Variants in SLC7A5 observed in about 807,000 individuals in gnomAD.
The protein encoded by SLC7A5 is solute carrier family 7 member 5, also known as large neutral amino acids transporter small subunit 1.
In SLC7A5, 23 loss-of-function variants were observed where a neutral mutation model predicts 50.2. The observed-to-expected ratio is 0.46, with a 90% CI of 0.33 to 0.65. The LOEUF is 0.65. SLC7A5 is among the 30% of genes least tolerant of loss of function. The probability of loss-of-function intolerance (pLI) is 0.02; values close to 1 mark genes in which losing one functional copy is unlikely to be tolerated. For synonymous variants in SLC7A5, 393 were observed against 330.6 expected (o/e 1.19, Z -2.05); for missense variants, 578 against 684.4 (o/e 0.84, Z 1.73).
At chr16:87,856,254 T>C (rs9923936) in intron 1 of SLC7A5, among the ~76,000 whole-genome samples, 62,971 of 152,136 alleles carry the variant, frequency 0.41, 13,927 homozygotes, top group East Asian at 0.79. Flanking sequence ...TCAGAGTCTG[T>C]CCAGAGGGCC....
intron 2 of SLC7A5, among the ~76,000 whole-genome samples, chr16:87,845,191 C>G (rs888863503): frequency 7.8e-6 from 1 of 127,642 alleles, no homozygotes; most frequent in Admixed American, 7.3e-5. Context: ...GGGGAGACCT[C>G]CCGGCTTCTC....
rs1386937835 is a variant in SLC7A5, at chr16:87,837,931, CGAA to C, written c.1051_1053del (p.Phe351del). 2.5e-6 allele frequency: 4 copies of C among 1,603,904 alleles called. No homozygotes were observed. Among genetic ancestry groups the C allele is most frequent in the Non-Finnish European group, 2.5e-6 (3 of 1,176,592 alleles). The stretch of plus-strand genomic sequence containing the variant: ...GGCAGGTGGCCTTCCCGGGACCCCA[CGAA>C]GAAGAGCCTGTGGACAGACAAGAGT... On this transcript the variant is annotated inframe_deletion, in exon 7 of 10. Coordinates refer to ENST00000261622, the MANE Select transcript of SLC7A5 (RefSeq NM_003486.7).
intron 8 of SLC7A5, 101 bp downstream of exon 8, chr16:87,836,397 G>C (rs923278046): frequency 1.4e-6 from 2 of 1,389,294 alleles, no homozygotes; most frequent in Non-Finnish European, 1.0e-6. Flanking sequence ...GGCAGGTCCA[G>C]AGGCTGAGCT....
chr16:87,859,343 CAT>C (rs1389291695), intron 1 of SLC7A5, among the ~76,000 whole-genome samples: 2 of 152,232 alleles, frequency 1.3e-5, no homozygotes, highest in African/African-American at 4.8e-5. Flanking sequence ...TGAAGCCACA[CAT>C]GAGAGCCGTG....
At chr16:87,848,277 G>A (rs764644384) in intron 2 of SLC7A5, among the ~76,000 whole-genome samples, 3 of 152,220 alleles carry the variant, frequency 2.0e-5, no homozygotes, top group African/African-American at 4.8e-5. Context: ...TTGTTCTGCC[G>A]CTGACGGCTG....
Position 87,847,214 on chromosome 16 carries a change from C to T in SLC7A5, c.664+4510G>A, listed in dbSNP as rs553839804. ...CTCAGTCCACGAGGCGACCCCTCCA[C>T]ACCCCAGAGCCACAGACAGCCAAGG... On this transcript the variant is annotated intron_variant, in intron 2 of 9. Coordinates refer to ENST00000261622, the MANE Select transcript of SLC7A5 (RefSeq NM_003486.7). 5.3e-5 allele frequency among the ~76,000 whole-genome samples: 8 copies of T among 152,366 alleles called. 1 individual carries two copies. In the South Asian group the frequency reaches 1.7e-3, roughly 32 times the overall value.
chr16:87,850,875 T>C (rs1452984564), intron 2 of SLC7A5, among the ~76,000 whole-genome samples: 1 of 152,002 alleles, frequency 6.6e-6, no homozygotes, highest in Admixed American at 6.5e-5. Flanking sequence ...AGAACACAGA[T>C]CTATGGAGTG....
At position 87,862,732 on chromosome 16, in the gene SLC7A5, G is replaced by A. The variant is rs561640459; in HGVS notation, c.538+6153C>T. On this transcript the variant is annotated intron_variant, in intron 1 of 9. Transcript: ENST00000261622. The surrounding 1 kb of genome is among the most constrained non-coding windows in gnomAD (Gnocchi z 5.3). ...GGCCTGGGATTCCCAGACACCTGGC[G>A]CTGGGGCCAATCCCATTCCACAGTC... Among the ~76,000 whole-genome samples the A allele has an allele frequency of 2.6e-5, 4 of 152,392 alleles. No individual in the cohort carries two copies. Among genetic ancestry groups the A allele is most frequent in the East Asian group, 1.9e-4 (1 of 5,194 alleles).
At chr16:87,858,885 C>A (rs113845382) in intron 1 of SLC7A5, among the ~76,000 whole-genome samples, 3,913 of 152,354 alleles carry the variant, frequency 0.026, 173 homozygotes, top group African/African-American at 0.089. Context: ...AAGGCCAGGG[C>A]CTCTCCCCAA....
At position 87,839,754 on chromosome 16, in the gene SLC7A5, T is replaced by G; in HGVS notation, c.887A>C (p.Tyr296Ser). 1.9e-6 allele frequency: 3 copies of G among 1,613,688 alleles called. No homozygotes were observed. The highest frequency in any genetic ancestry group is 2.5e-6 in the Non-Finnish European group (3 of 1,179,934). The stretch of plus-strand genomic sequence containing the variant: ...CTGCTCGGTGGACAGGGTGGTGAAG[T>G]AGGCCAGGTTGGTCAGCACGTACAC... ...TLVYVLTNLA[Y>S]FTTLSTEQML... is the part of the protein sequence containing the mutation. The change falls in exon 5 of 10, where the codon TAC (tyrosine) becomes TCC (serine). Residue 296 changes from tyrosine (Y) to serine (S), a missense_variant. Around this residue, in one of 2 missense-constraint regions of SLC7A5, gnomAD observed 465 missense variants for 594.6 expected, o/e 0.78. Transcript: ENST00000261622.
At chr16:87,835,759 C>G (rs538929174) in intron 8 of SLC7A5, among the ~76,000 whole-genome samples, 2 of 152,226 alleles carry the variant, frequency 1.3e-5, no homozygotes, top group African/African-American at 4.8e-5. Flanking sequence ...CAGGCGTGAG[C>G]CACCGCGCCC....
chr16:87,868,688 C>A (rs997184942), intron 1 of SLC7A5, among the ~76,000 whole-genome samples, 197 bp downstream of exon 1: 3 of 152,154 alleles, frequency 2.0e-5, no homozygotes, highest in Admixed American at 6.5e-5. Flanking sequence ...ATATTCCCAG[C>A]CTGTGGGGAG....
At position 87,833,150 on chromosome 16, in the gene SLC7A5, G is replaced by T. The variant is rs1266790673; in HGVS notation, c.1469-125C>A. 3 of 803,848 alleles carry T rather than the reference G, an allele frequency of 3.7e-6. No homozygotes were observed. The highest frequency in any genetic ancestry group is 6.6e-6 in the Non-Finnish European group (3 of 453,476). The allele number at this position is 803,848 out of a possible 1,614,324, so 49.8% of individuals were successfully genotyped here. A position where few individuals can be genotyped will look rare whatever the true frequency, so the allele number is the denominator to read the frequency against. The stretch of plus-strand genomic sequence containing the variant: ...AACCCAGCGCCGCTGCCCAGCGCTG[G>T]GATTTTAAGGAACCTTCCCTTGTGT... On this transcript the variant is annotated intron_variant, in intron 9 of 9. Transcript: ENST00000261622. The surrounding 1 kb of genome is among the most constrained non-coding windows in gnomAD (Gnocchi z 6.0).
intron 2 of SLC7A5, among the ~76,000 whole-genome samples, chr16:87,849,641 AT>A (rs1026490953): frequency 1.3e-5 from 2 of 152,072 alleles, no homozygotes; most frequent in Non-Finnish European, 2.9e-5. Context: ...TGCCCGTAAA[AT>A]GTCACTCAGG....
At chr16:87,842,736 A>C (rs1247091617) in intron 2 of SLC7A5, among the ~76,000 whole-genome samples, 2 of 152,116 alleles carry the variant, frequency 1.3e-5, no homozygotes, top group Non-Finnish European at 2.9e-5. Context: ...CCTGAGAAGG[A>C]GCTCCAGGGC....
At chr16:87,840,771 G>GC (rs896489256) in intron 3 of SLC7A5, among the ~76,000 whole-genome samples, 1 of 152,208 alleles carries the variant, frequency 6.6e-6, no homozygotes, top group Non-Finnish European at 1.5e-5. Flanking sequence ...GAGGAAAGGG[G>GC]CCGCAGGGCT....
chr16:87,852,513 C>T lies in SLC7A5; in HGVS notation c.539-664G>A, dbSNP rs2055243499. Among the ~76,000 whole-genome samples the T allele has an allele frequency of 6.6e-6, 1 of 152,130 alleles. No individual in the cohort carries two copies. The highest frequency in any genetic ancestry group is 6.5e-5 in the Admixed American group (1 of 15,276). On this transcript the variant is annotated intron_variant, in intron 1 of 9. Transcript: ENST00000261622. This position sits in a 1 kb window ranked among gnomAD's most constrained non-coding sequence, Gnocchi z 4.5. Reference sequence around the variant, plus strand: ...CCGTGTGCTTCAGAAGCCTGAGTGACCCCACACAGATGGCCAGAACGCCTG... The same window carrying T: ...CCGTGTGCTTCAGAAGCCTGAGTGATCCCACACAGATGGCCAGAACGCCTG...
chr16:87,866,243 C>T (rs985453895), intron 1 of SLC7A5, among the ~76,000 whole-genome samples: 3 of 152,088 alleles, frequency 2.0e-5, no homozygotes, highest in East Asian at 1.9e-4. Flanking sequence ...ACAAGTTGTA[C>T]ATTATGATCT....
In SLC7A5 at chr16:87,837,854, G is replaced by A. The variant is rs2230174; in HGVS notation, c.1131C>T (p.Leu377=). ...HPQLLTPVPS[L]VFTCVMTLLY... is the part of the protein sequence containing the mutation. ...CGTGCAGCAGGCTTACCGTGAACACGAGGGACGGCACGGGGGTGAGGAGCT... is the reference window on the plus strand; with the variant it reads ...CGTGCAGCAGGCTTACCGTGAACACAAGGGACGGCACGGGGGTGAGGAGCT... Residue 377 remains leucine (L), a synonymous_variant, in exon 7 of 10, where the codon CTC becomes CTT. Coordinates refer to ENST00000261622, the MANE Select transcript of SLC7A5 (RefSeq NM_003486.7). 1,120 of 1,604,864 alleles carry A rather than the reference G, an allele frequency of 7.0e-4. 3 individuals are homozygous for A. The African/African-American group carries it at 1.0e-2, about 14-fold the overall frequency.
Sources: allele counts gnomAD v4.1 joint callset (sites outside exome capture counted in the v4.1 genomes callset), GRCh38; gene constraint gnomAD v4.1.1; regional missense constraint gnomAD v4.1.1; non-coding constraint Gnocchi (gnomAD v3.1); transcripts MANE v1.5; gene names NCBI Gene and HGNC (gene_info 2026-07-23, HGNC 2026-07-21).